The following FAT3 variants were observed in gnomAD, a reference collection of about 807,000 sequenced individuals.
FAT3 encodes protocadherin Fat 3.
In FAT3, 95 loss-of-function variants were observed where a neutral mutation model predicts 310.2. The ratio of observed to expected loss-of-function variants is 0.31; its 90% CI spans 0.26 to 0.36. The LOEUF (loss-of-function observed/expected upper bound fraction) is 0.36, where lower values mean the gene tolerates loss of function less well. Among genes scored for constraint, FAT3 ranks in the 10% least tolerant of loss-of-function variants. The pLI is 1.00. For missense variants in FAT3, 5,408 were observed against 5,715.6 expected (o/e 0.95, Z 1.74); for synonymous variants, 2,314 against 2,192.9 (o/e 1.06, Z -1.54).
chr11:92,391,828 T>A (rs1949757108), intron 2 of FAT3, among the ~76,000 whole-genome samples: 1 of 152,156 alleles, frequency 6.6e-6, no homozygotes, highest in African/African-American at 2.4e-5. Context: ...ACGTGTCCTT[T>A]ATGGAGTTAT....
chr11:92,324,698 C>T (rs1027061226), intron 1 of FAT3, among the ~76,000 whole-genome samples: 23 of 152,096 alleles, frequency 1.5e-4, no homozygotes, highest in African/African-American at 3.4e-4. Context: ...GGAAAAATGG[C>T]GCCGATAGAC....
intron 2 of FAT3, among the ~76,000 whole-genome samples, chr11:92,480,304 C>T (rs1319240788): frequency 6.6e-6 from 1 of 151,994 alleles, no homozygotes; most frequent in Non-Finnish European, 1.5e-5. Flanking sequence ...AGCATGCAAA[C>T]TTTAAATTGG....
intron 1 of FAT3, among the ~76,000 whole-genome samples, chr11:92,281,265 G>C (rs1008140838): frequency 2.0e-5 from 3 of 152,130 alleles, no homozygotes; most frequent in East Asian, 3.9e-4. Flanking sequence ...AAGCTCACTG[G>C]AAGGAAATAT....
At chr11:92,738,119 A>G (rs57648944) in intron 4 of FAT3, among the ~76,000 whole-genome samples, 2,197 of 152,286 alleles carry the variant, frequency 0.014, 70 homozygotes, top group African/African-American at 0.05. Flanking sequence ...AAGGTTAAGC[A>G]GGACATTGAG....
chr11:92,671,978 G>C (rs1943142626), intron 3 of FAT3, among the ~76,000 whole-genome samples: 1 of 152,072 alleles, frequency 6.6e-6, no homozygotes, highest in Non-Finnish European at 1.5e-5. Context: ...ATTTACCTGG[G>C]CGTGGTGGTG....
intron 14 of FAT3, 36 bp from the exon 15 acceptor site, chr11:92,834,834 C>T (rs1402154130): frequency 8.6e-6 from 13 of 1,511,572 alleles, no homozygotes; most frequent in Non-Finnish European, 1.2e-5. Context: ...GTGTTTTTTC[C>T]TAATGAAATA....
chr11:92,301,987 A>C (rs548622586), intron 1 of FAT3, among the ~76,000 whole-genome samples: 1 of 152,200 alleles, frequency 6.6e-6, no homozygotes, highest in African/African-American at 2.4e-5. Context: ...GGAAGGGGTT[A>C]ACTGCTGAAA....
intron 1 of FAT3, among the ~76,000 whole-genome samples, chr11:92,343,217 A>G (rs1948314859): frequency 1.3e-5 from 2 of 152,168 alleles, no homozygotes; most frequent in African/African-American, 2.4e-5. Flanking sequence ...GATTTGCACC[A>G]CTGGAAAAAG....
intron 1 of FAT3, among the ~76,000 whole-genome samples, chr11:92,296,157 GA>G (rs1199495750): frequency 1.3e-5 from 2 of 152,068 alleles, no homozygotes; most frequent in East Asian, 3.9e-4. Context: ...TGCTTCCCCC[GA>G]GGGTTAAAAA....
intron 3 of FAT3, among the ~76,000 whole-genome samples, chr11:92,659,768 G>A (rs879421396): frequency 6.6e-6 from 1 of 152,188 alleles, no homozygotes; most frequent in Non-Finnish European, 1.5e-5. Context: ...TGTCAGTGAT[G>A]AAGACACATT....
chr11:92,662,157 C>T (rs1397418020), intron 3 of FAT3, among the ~76,000 whole-genome samples: 1 of 152,136 alleles, frequency 6.6e-6, no homozygotes, highest in African/African-American at 2.4e-5. Context: ...TATTGGCACT[C>T]AAAATCCAAG....
chr11:92,868,048 A>G (rs1417002876), intron 22 of FAT3, among the ~76,000 whole-genome samples: 1 of 152,226 alleles, frequency 6.6e-6, no homozygotes, highest in Non-Finnish European at 1.5e-5. Flanking sequence ...AAACTAGGTC[A>G]GACATGCTCC....
chr11:92,798,754 T>A lies in FAT3; in HGVS notation c.5741T>A (p.Val1914Glu). ...AGTGCCACAGATCCTGACTCTGAGG[T>A]ACCCCCTGAACTGACATACAGCCTA... ...KVSATDPDSE[V>E]PPELTYSLME... is the part of the protein sequence containing the mutation. Residue 1914 changes from valine (V) to glutamate (E), a missense_variant, in exon 10 of 28, where the codon GTA becomes GAA. Around this residue, in one of 5 missense-constraint regions of FAT3, gnomAD observed 4,588 missense variants for 4,809.8 expected, o/e 0.95. Coordinates refer to ENST00000525166, the MANE Select transcript of FAT3 (RefSeq NM_001367949.2). 1 of 1,613,838 alleles carries A rather than the reference T, an allele frequency of 6.2e-7. No homozygotes were observed. The highest frequency in any genetic ancestry group is 2.2e-5 in the East Asian group (1 of 44,820).
chr11:92,602,396 C>G (rs986720584), intron 3 of FAT3, among the ~76,000 whole-genome samples: 3 of 152,206 alleles, frequency 2.0e-5, no homozygotes, highest in Non-Finnish European at 4.4e-5. Flanking sequence ...AGCCACATCA[C>G]CTGGCCTACC....
At chr11:92,485,950 A>G (rs1591355117) in intron 2 of FAT3, among the ~76,000 whole-genome samples, 1 of 152,120 alleles carries the variant, frequency 6.6e-6, no homozygotes, top group Admixed American at 6.6e-5. Context: ...CATATTCTGC[A>G]TGCAGGAAAT....
At chr11:92,579,483 C>A (rs1359771469) in intron 3 of FAT3, among the ~76,000 whole-genome samples, 4 of 152,018 alleles carry the variant, frequency 2.6e-5, no homozygotes, top group African/African-American at 9.7e-5. Context: ...AATAGGCCAC[C>A]TTTCCATCTC....
chr11:92,879,895 A>G (rs1009990441), intron 22 of FAT3, among the ~76,000 whole-genome samples: 8 of 152,180 alleles, frequency 5.3e-5, no homozygotes, highest in Admixed American at 3.9e-4. Context: ...TAAAACTTGT[A>G]GAACTGCCTT....
chr11:92,591,995 G>A (rs12419073), intron 3 of FAT3, among the ~76,000 whole-genome samples: 26 of 152,132 alleles, frequency 1.7e-4, no homozygotes, highest in Admixed American at 1.4e-3. Context: ...TGTATAACAC[G>A]AAGAATGAAC....
chr11:92,442,111 A>ATATATTTTTTTTTTTTTT (rs1453396603), intron 2 of FAT3, among the ~76,000 whole-genome samples: 1 of 45,214 alleles, frequency 2.2e-5, no homozygotes, highest in African/African-American at 1.8e-4. Flanking sequence ...ATATATATAT[A>ATATATTTTTTTTTTTTTT]TTTTTTTTTT....
Sources: gnomAD v4.1 joint callset for allele counts (sites outside exome capture counted in the v4.1 genomes callset) on GRCh38, gnomAD v4.1.1 for gene constraint, gnomAD v4.1.1 regional missense constraint, MANE v1.5 for transcripts, NCBI Gene and HGNC (gene_info 2026-07-23, HGNC 2026-07-21) for gene names.